CNTN5: variants seen among roughly 807,000 people sequenced by gnomAD.
CNTN5 encodes the protein contactin-5.
In CNTN5, 77 loss-of-function variants were observed where a neutral mutation model predicts 129.1. The ratio of observed to expected loss-of-function variants is 0.60; its 90% CI spans 0.50 to 0.72. The LOEUF (loss-of-function observed/expected upper bound fraction) is 0.72, where lower values mean the gene tolerates loss of function less well. Among genes scored for constraint, CNTN5 ranks in the 30% least tolerant of loss-of-function variants. The probability of loss-of-function intolerance (pLI) is 0.00; values close to 1 mark genes in which losing one functional copy is unlikely to be tolerated. For missense variants in CNTN5, 1,478 were observed against 1,328.8 expected (o/e 1.11, Z -1.75); for synonymous variants, 509 against 465.6 (o/e 1.09, Z -1.20).
At chr11:99,586,212 A>C (rs971601609) in intron 3 of CNTN5, among the ~76,000 whole-genome samples, 3 of 152,150 alleles carry the variant, frequency 2.0e-5, no homozygotes, top group Admixed American at 6.5e-5. Flanking sequence ...ACTTCAATCC[A>C]GTCTTAGCTC....
intron 3 of CNTN5, among the ~76,000 whole-genome samples, chr11:99,761,730 T>C (rs1944588775): frequency 6.7e-6 from 1 of 149,740 alleles, no homozygotes; most frequent in African/African-American, 2.5e-5. Flanking sequence ...AACATACGTG[T>C]GCATGTGTCT....
chr11:99,715,005 G>A (rs952700), intron 3 of CNTN5, among the ~76,000 whole-genome samples: 43,173 of 151,658 alleles, frequency 0.28, 6,225 homozygotes, highest in South Asian at 0.34. Context: ...TTATGCCTTC[G>A]TTTTCTCATT....
intron 9 of CNTN5, among the ~76,000 whole-genome samples, chr11:100,042,218 G>T (rs1423350540): frequency 1.4e-5 from 2 of 143,222 alleles, no homozygotes; most frequent in African/African-American, 5.1e-5. Context: ...GTTTAGTTTT[G>T]TTCTCTCTCT....
intron 1 of CNTN5, among the ~76,000 whole-genome samples, chr11:99,062,384 A>T (rs752758899): frequency 6.6e-6 from 1 of 152,116 alleles, no homozygotes; most frequent in Non-Finnish European, 1.5e-5. Context: ...AAGCATTTCT[A>T]TGTATCAGCA....
intron 1 of CNTN5, among the ~76,000 whole-genome samples, chr11:99,225,350 CTTTTTGTG>C (rs1199649541): frequency 6.6e-6 from 1 of 152,050 alleles, no homozygotes; most frequent in African/African-American, 2.4e-5. Context: ...AGGCTATTGC[CTTTTTGTG>C]TTTGTTTCTT....
chr11:99,632,380 T>C (rs1304050140), intron 3 of CNTN5, among the ~76,000 whole-genome samples: 1 of 152,094 alleles, frequency 6.6e-6, no homozygotes, highest in African/African-American at 2.4e-5. Context: ...AGGGTAAACA[T>C]GTCATTTTTC....
At chr11:100,245,292 G>A (rs978882401) in intron 16 of CNTN5, among the ~76,000 whole-genome samples, 2 of 152,142 alleles carry the variant, frequency 1.3e-5, no homozygotes, top group African/African-American at 2.4e-5. Context: ...AGGAGAAGGA[G>A]CTAGTGTATT....
chr11:99,359,258 T>C (rs1938929953), intron 2 of CNTN5, among the ~76,000 whole-genome samples: 2 of 152,144 alleles, frequency 1.3e-5, no homozygotes, highest in African/African-American at 2.4e-5. Context: ...ACCAACTCTA[T>C]ATGTCCTTAT....
chr11:99,673,388 C>T (rs564331976), intron 3 of CNTN5, among the ~76,000 whole-genome samples: 56 of 152,234 alleles, frequency 3.7e-4, no homozygotes, highest in Admixed American at 1.8e-3. Context: ...AGTCATGGTA[C>T]GGATTCAATG....
At chr11:100,053,966 C>T (rs530324015) in intron 9 of CNTN5, among the ~76,000 whole-genome samples, 10 of 151,640 alleles carry the variant, frequency 6.6e-5, no homozygotes, top group South Asian at 4.2e-4. Flanking sequence ...CAAAATACTA[C>T]GTAGTGTATT....
chr11:99,217,806 C>T (rs2083604076), intron 1 of CNTN5, among the ~76,000 whole-genome samples: 1 of 152,080 alleles, frequency 6.6e-6, no homozygotes, highest in African/African-American at 2.4e-5. Flanking sequence ...GCCAATCCTT[C>T]TGCTTATTTG....
At chr11:99,135,132 T>C (rs1591255393) in intron 1 of CNTN5, among the ~76,000 whole-genome samples, 2 of 152,326 alleles carry the variant, frequency 1.3e-5, no homozygotes, top group Middle Eastern at 3.4e-3. Flanking sequence ...GATTTATGCA[T>C]CAAATGTTGG....
chr11:100,353,761 T>TA (rs1292175150), intron 24 of CNTN5, among the ~76,000 whole-genome samples: 1 of 151,668 alleles, frequency 6.6e-6, no homozygotes, highest in Non-Finnish European at 1.5e-5. Flanking sequence ...GTATTAGCTG[T>TA]AAAATTTTTC....
intron 9 of CNTN5, among the ~76,000 whole-genome samples, chr11:100,028,908 T>C (rs537390088): frequency 1.3e-5 from 2 of 152,340 alleles, no homozygotes; most frequent in South Asian, 4.1e-4. Flanking sequence ...TTTTACTTAC[T>C]AGGTCTAGGG....
intron 3 of CNTN5, among the ~76,000 whole-genome samples, chr11:99,784,200 T>A (rs2135402199): frequency 6.6e-6 from 1 of 152,186 alleles, no homozygotes; most frequent in East Asian, 2.0e-4. Context: ...AATGCGCAGG[T>A]TTGTTACTTA....
intron 2 of CNTN5, among the ~76,000 whole-genome samples, chr11:99,384,045 A>C (rs1034106731): frequency 6.6e-6 from 1 of 152,212 alleles, no homozygotes; most frequent in South Asian, 2.1e-4. Flanking sequence ...AAACATTACT[A>C]GTGCGTTGCT....
Position 99,578,256 on chromosome 11 carries a change from C to T in CNTN5, c.55+21987C>T, listed in dbSNP as rs539593324. Among the ~76,000 whole-genome samples, 454 of 151,964 alleles carry T rather than the reference C, an allele frequency of 3.0e-3. 5 individuals are homozygous for T. The highest frequency in any genetic ancestry group is 0.01 in the African/African-American group (429 of 41,388). ...TTGGACATTTGGCTTGGTTCCAAGT[C>T]TTTGCTATTGTGACTAGTGCCACAA... On this transcript the variant is annotated intron_variant, in intron 3 of 24. Coordinates refer to ENST00000524871, the MANE Select transcript of CNTN5 (RefSeq NM_014361.4).
At chr11:99,546,239 G>A (rs1180775095) in intron 2 of CNTN5, among the ~76,000 whole-genome samples, 5 of 152,154 alleles carry the variant, frequency 3.3e-5, no homozygotes, top group African/African-American at 4.8e-5. Context: ...TTCATAAAGG[G>A]TTATGTCCTG....
chr11:100,132,384 T>C (rs1216833120), intron 13 of CNTN5, among the ~76,000 whole-genome samples: 1 of 151,976 alleles, frequency 6.6e-6, no homozygotes, highest in Non-Finnish European at 1.5e-5. Flanking sequence ...AAGCACGACA[T>C]ATGGTAGGAG....
Sources: allele counts gnomAD v4.1 joint callset (sites outside exome capture counted in the v4.1 genomes callset), GRCh38; gene constraint gnomAD v4.1.1; transcripts MANE v1.5; gene names NCBI Gene and HGNC (gene_info 2026-07-23, HGNC 2026-07-21).